The following PKHD1 variants were observed in gnomAD, a reference collection of about 807,000 sequenced individuals.
The protein encoded by PKHD1 is fibrocystin.
Under a neutral mutation model 412.0 loss-of-function variants are expected in PKHD1, and 291 were observed. That is an observed-to-expected ratio of 0.71 (90% CI 0.64 to 0.78). The LOEUF is 0.78. Ranked by LOEUF, PKHD1 falls within the 30% of genes least tolerant of loss-of-function variation. The pLI is 0.00. For synonymous variants in PKHD1, 1,777 were observed against 1,821.5 expected (o/e 0.98, Z 0.62); for missense variants, 4,825 against 4,950.7 (o/e 0.97, Z 0.76).
chr6:52,053,357 G>A, intron 20 of PKHD1, 106 bp from the exon 21 acceptor site: 4 of 1,157,120 alleles, frequency 3.5e-6, no homozygotes, highest in Admixed American at 2.0e-5. Context: ...TATGCAGCCA[G>A]GAGAGAGACC....
At chr6:51,718,129 A>G (rs1034022563) in intron 60 of PKHD1, among the ~76,000 whole-genome samples, 5 of 152,230 alleles carry the variant, frequency 3.3e-5, no homozygotes, top group African/African-American at 9.6e-5. Flanking sequence ...TTTTTAATAT[A>G]CGTAATGGAT....
chr6:51,901,870 C>T (rs114353129), intron 43 of PKHD1, among the ~76,000 whole-genome samples: 93 of 152,110 alleles, frequency 6.1e-4, no homozygotes, highest in African/African-American at 2.2e-3. Context: ...AAATGGAAAG[C>T]GTTGGAGGGA....
rs140737609 is a variant in PKHD1, at chr6:51,800,036, C to T, written c.8303-8663G>A. ...GGAACCATCTGGAATTTCTGTTGCTCAATGGGTGGCTGATGGGGGAGCTGA... is the reference window on the plus strand; with the variant it reads ...GGAACCATCTGGAATTTCTGTTGCTTAATGGGTGGCTGATGGGGGAGCTGA... On this transcript the variant is annotated intron_variant, in intron 52 of 66. Coordinates refer to ENST00000371117, the MANE Select transcript of PKHD1 (RefSeq NM_138694.4). Among the ~76,000 whole-genome samples the T allele has an allele frequency of 1.5e-3, 231 of 152,156 alleles. 2 individuals are homozygous for T. Among genetic ancestry groups the T allele is most frequent in the African/African-American group, 5.3e-3 (219 of 41,504 alleles).
intron 35 of PKHD1, among the ~76,000 whole-genome samples, chr6:51,995,218 T>A (rs1376555695): frequency 6.6e-6 from 1 of 152,168 alleles, no homozygotes; most frequent in African/African-American, 2.4e-5. Flanking sequence ...AGAACTCACC[T>A]TACCTGCCAT....
chr6:51,972,773 G>A (rs923325646), intron 35 of PKHD1, among the ~76,000 whole-genome samples: 5 of 152,120 alleles, frequency 3.3e-5, no homozygotes, highest in Non-Finnish European at 5.9e-5. Flanking sequence ...GCCAAACCCT[G>A]TTTATTGGTT....
chr6:52,026,267 T>A, intron 31 of PKHD1, 86 bp from the exon 32 acceptor site: 1 of 1,283,014 alleles, frequency 7.8e-7, no homozygotes, highest in Non-Finnish European at 1.1e-6. Flanking sequence ...CTAGGTCAAT[T>A]AAGTGGAAGG....
intron 60 of PKHD1, among the ~76,000 whole-genome samples, chr6:51,720,535 G>A (rs566641607): frequency 5.1e-4 from 78 of 152,124 alleles, no homozygotes; most frequent in African/African-American, 1.9e-3. Context: ...TGCTTTTTCT[G>A]GCCAACTCTT....
chr6:51,754,518 C>T (rs1240557357), intron 56 of PKHD1, among the ~76,000 whole-genome samples: 1 of 152,126 alleles, frequency 6.6e-6, no homozygotes, highest in East Asian at 1.9e-4. Flanking sequence ...AACCCTTCTG[C>T]TCTTAGATTT....
At chr6:51,775,488 G>A (rs188916626) in intron 54 of PKHD1, among the ~76,000 whole-genome samples, 4 of 151,756 alleles carry the variant, frequency 2.6e-5, no homozygotes, top group South Asian at 2.1e-4. Flanking sequence ...ATCAATAATC[G>A]AGTAGTATTT....
rs749030797 is a variant in PKHD1 at position 52,043,027 on chromosome 6, T to A, written c.2929A>T (p.Asn977Tyr). The change falls in exon 27 of 67, where the codon AAC becomes TAC. Residue 977 changes from asparagine (N) to tyrosine (Y), a missense_variant. By Grantham distance (143) the Asn-to-Tyr change is moderately radical (BLOSUM62 -2). Transcript: ENST00000371117. ...NKTSCKVIFS[N>Y]QTNVVCQTDL... ...GTCTGACAGACTACATTGGTCTGGTTTGAGAAAATAACTTTGCAACTCGTT... is the reference window on the plus strand; with the variant it reads ...GTCTGACAGACTACATTGGTCTGGTATGAGAAAATAACTTTGCAACTCGTT... The A allele has an allele frequency of 2.5e-6, 4 of 1,614,084 alleles. No individual in the cohort carries two copies. The highest frequency in any genetic ancestry group is 3.4e-6 in the Non-Finnish European group (4 of 1,179,930).
At chr6:51,697,978 A>G (rs1778996837) in intron 60 of PKHD1, among the ~76,000 whole-genome samples, 2 of 152,218 alleles carry the variant, frequency 1.3e-5, no homozygotes, top group Non-Finnish European at 2.9e-5. Context: ...ATAGGAAGTA[A>G]GGAAAGGATC....
rs188643576 is a variant in PKHD1, at chr6:51,726,836, C to T, written c.10156+17549G>A. On this transcript the variant is annotated intron_variant, in intron 60 of 66. Transcript: ENST00000371117. ...TATGGTGTGCTGAATAATAGCCTCCCTAGGATGCTTATGCCCTAATCCTGA... is the reference window on the plus strand; with the variant it reads ...TATGGTGTGCTGAATAATAGCCTCCTTAGGATGCTTATGCCCTAATCCTGA... Among the ~76,000 whole-genome samples, 635 of 152,164 alleles carry T rather than the reference C, an allele frequency of 4.2e-3. 5 individuals carry two copies. The highest frequency in any genetic ancestry group is 0.014 in the African/African-American group (596 of 41,532).
At position 51,968,241 on chromosome 6, in the gene PKHD1, AT is replaced by A. The variant is rs1279107184; in HGVS notation, c.5752-8216del. On this transcript the variant is annotated intron_variant, in intron 35 of 66. Coordinates refer to ENST00000371117, the MANE Select transcript of PKHD1 (RefSeq NM_138694.4). ...ATGATCTCCTCAAGGGCAAAAAAAA[AT>A]TTTTTTACAGAAACAAACAAAAGTT... 6.2e-4 allele frequency among the ~76,000 whole-genome samples: 94 copies of A among 152,266 alleles called. 2 individuals are homozygous for A. The East Asian group carries it at 0.017, about 27-fold the overall frequency.
chr6:51,847,544 T>C (rs1033540440), intron 50 of PKHD1, among the ~76,000 whole-genome samples: 4 of 152,224 alleles, frequency 2.6e-5, no homozygotes, highest in African/African-American at 9.6e-5. Flanking sequence ...CATACTTCTC[T>C]ATAGAGGAGG....
At chr6:51,722,907 G>A (rs1037559955) in intron 60 of PKHD1, among the ~76,000 whole-genome samples, 11 of 152,060 alleles carry the variant, frequency 7.2e-5, no homozygotes, top group Non-Finnish European at 1.5e-4. Flanking sequence ...CTGCAACAGG[G>A]AACCACCACA....
chr6:51,969,524 C>G (rs1475184349), intron 35 of PKHD1, among the ~76,000 whole-genome samples: 3 of 152,136 alleles, frequency 2.0e-5, no homozygotes, highest in Admixed American at 2.0e-4. Flanking sequence ...ACATTGTGCC[C>G]ATTAAGTAAT....
At chr6:51,902,918 A>T (rs547314461) in intron 43 of PKHD1, among the ~76,000 whole-genome samples, 2 of 152,170 alleles carry the variant, frequency 1.3e-5, no homozygotes, top group Admixed American at 6.5e-5. Context: ...ATCTGACATG[A>T]CCTTATACAC....
At chr6:51,857,437 G>A (rs139971170) in intron 48 of PKHD1, among the ~76,000 whole-genome samples, 106 of 152,332 alleles carry the variant, frequency 7.0e-4, no homozygotes, top group African/African-American at 2.4e-3. Context: ...ACTTTTTTAA[G>A]TGTTGCACAC....
intron 37 of PKHD1, among the ~76,000 whole-genome samples, chr6:51,931,279 A>AT (rs757072185): frequency 9.9e-5 from 15 of 152,168 alleles, no homozygotes; most frequent in Non-Finnish European, 1.6e-4. Context: ...TCTCCTCATT[A>AT]TGTTATCCTG....
Sources: gnomAD v4.1 joint callset for allele counts (sites outside exome capture counted in the v4.1 genomes callset) on GRCh38, gnomAD v4.1.1 for gene constraint, MANE v1.5 for transcripts, NCBI Gene and HGNC (gene_info 2026-07-23, HGNC 2026-07-21) for gene names.